Variants in SCFD2 observed in about 807,000 individuals in gnomAD.
The protein encoded by SCFD2 is sec1 family domain-containing protein 2.
A neutral mutation model predicts 58.9 loss-of-function variants in SCFD2; 54 were observed. That is an observed-to-expected ratio of 0.92 (90% CI 0.74 to 1.15). The LOEUF is 1.15. Among genes scored for constraint, SCFD2 ranks in the 50% most tolerant of loss-of-function variants. The pLI is 0.00. For missense variants in SCFD2, 805 were observed against 836.6 expected, an observed-to-expected ratio of 0.96 and a Z score of 0.47; for synonymous variants, 321 against 335.9, an observed-to-expected ratio of 0.96 and a Z score of 0.49.
At chr4:53,298,849 C>A (rs1426824408) in intron 3 of SCFD2, among the ~76,000 whole-genome samples, 2 of 152,148 alleles carry the variant, frequency 1.3e-5, no homozygotes, top group African/African-American at 2.4e-5. Flanking sequence ...TGGAGTGGAC[C>A]TCCAGTAAAC....
chr4:53,287,310 C>A (rs1301954624), intron 3 of SCFD2, among the ~76,000 whole-genome samples: 1 of 152,166 alleles, frequency 6.6e-6, no homozygotes, highest in African/African-American at 2.4e-5. Context: ...TGCCTGTGGA[C>A]CATGTCAGAC....
intron 5 of SCFD2, among the ~76,000 whole-genome samples, chr4:53,037,922 A>T (rs549211478): frequency 1.3e-5 from 2 of 152,312 alleles, no homozygotes; most frequent in African/African-American, 2.4e-5. Flanking sequence ...ATAATGTCAC[A>T]GTTCAACCAA....
At chr4:52,897,586 A>G (rs553442908) in intron 7 of SCFD2, among the ~76,000 whole-genome samples, 43 of 152,280 alleles carry the variant, frequency 2.8e-4, no homozygotes, top group Middle Eastern at 3.4e-3. Flanking sequence ...TTTTTGCATC[A>G]ATGTTCATCA....
intron 4 of SCFD2, among the ~76,000 whole-genome samples, chr4:53,198,356 A>G (rs1268591785): frequency 2.0e-5 from 3 of 152,044 alleles, no homozygotes; most frequent in Non-Finnish European, 4.4e-5. Context: ...GGGCTGTTAT[A>G]AATTCAAACA....
intron 2 of SCFD2, among the ~76,000 whole-genome samples, chr4:53,349,255 T>TA (rs1442980858): frequency 6.6e-6 from 1 of 152,132 alleles, no homozygotes; most frequent in Admixed American, 6.5e-5. Flanking sequence ...TAATGAGGTG[T>TA]AAAAAATGTG....
intron 5 of SCFD2, among the ~76,000 whole-genome samples, chr4:53,072,046 C>T (rs964450109): frequency 2.0e-5 from 3 of 152,094 alleles, no homozygotes; most frequent in African/African-American, 4.8e-5. Flanking sequence ...GTATACCCCA[C>T]GTGCTTCCAT....
At chr4:53,227,226 A>T (rs1243130673) in intron 4 of SCFD2, among the ~76,000 whole-genome samples, 1 of 152,172 alleles carries the variant, frequency 6.6e-6, no homozygotes, top group Non-Finnish European at 1.5e-5. Flanking sequence ...AATTTCAGCC[A>T]TAGAAAGGTG....
At chr4:53,102,489 T>C (rs550723598) in intron 5 of SCFD2, among the ~76,000 whole-genome samples, 90 of 151,956 alleles carry the variant, frequency 5.9e-4, no homozygotes, top group African/African-American at 2.1e-3. Context: ...GCAAATAATA[T>C]AAAGAACTAA....
intron 5 of SCFD2, among the ~76,000 whole-genome samples, chr4:53,053,238 A>C (rs1034820907): frequency 6.6e-6 from 1 of 151,476 alleles, no homozygotes; most frequent in Admixed American, 6.6e-5. Context: ...AAAAAAAAAA[A>C]CTGGCAAAAC....
chr4:53,183,000 C>T (rs1329736417), intron 4 of SCFD2, among the ~76,000 whole-genome samples: 1 of 152,126 alleles, frequency 6.6e-6, no homozygotes, highest in African/African-American at 2.4e-5. Flanking sequence ...AGTCAGGAAA[C>T]AACAGGTGCT....
chr4:53,219,960 G>A (rs1247347456), intron 4 of SCFD2, among the ~76,000 whole-genome samples: 2 of 152,050 alleles, frequency 1.3e-5, no homozygotes, highest in African/African-American at 2.4e-5. Flanking sequence ...CACAGCAGTG[G>A]CCTCCAATCT....
chr4:53,138,400 G>A (rs1726006680), intron 5 of SCFD2, among the ~76,000 whole-genome samples: 1 of 152,126 alleles, frequency 6.6e-6, no homozygotes, highest in African/African-American at 2.4e-5. Flanking sequence ...TAAAAATAGT[G>A]TTTTGATTTC....
chr4:53,300,247 G>C (rs1353829174), intron 3 of SCFD2, among the ~76,000 whole-genome samples: 3 of 152,126 alleles, frequency 2.0e-5, no homozygotes, highest in East Asian at 3.8e-4. Context: ...TAAAGGGATG[G>C]AGGAAGATCT....
At chr4:53,189,450 C>T (rs541957729) in intron 4 of SCFD2, among the ~76,000 whole-genome samples, 2 of 152,274 alleles carry the variant, frequency 1.3e-5, no homozygotes, top group East Asian at 1.9e-4. Context: ...GTTACTATAA[C>T]AAAATATCAT....
At chr4:53,199,510 T>C (rs1027823786) in intron 4 of SCFD2, among the ~76,000 whole-genome samples, 1 of 152,148 alleles carries the variant, frequency 6.6e-6, no homozygotes, top group Non-Finnish European at 1.5e-5. Flanking sequence ...CTAGCTCTTT[T>C]TGATTCATAA....
chr4:53,231,037 G>A (rs903141070), intron 4 of SCFD2, among the ~76,000 whole-genome samples: 3 of 152,086 alleles, frequency 2.0e-5, no homozygotes, highest in African/African-American at 4.8e-5. Flanking sequence ...GTGCCAGAGT[G>A]AGATGGATGC....
intron 5 of SCFD2, among the ~76,000 whole-genome samples, chr4:53,076,385 A>G (rs1723974959): frequency 6.6e-6 from 1 of 152,174 alleles, no homozygotes; most frequent in African/African-American, 2.4e-5. Flanking sequence ...ATGGCAGGCA[A>G]GAGCGGACCC....
chr4:53,025,531 A>C (rs1402647325), intron 5 of SCFD2, among the ~76,000 whole-genome samples: 2 of 62,748 alleles, frequency 3.2e-5, no homozygotes, highest in Admixed American at 4.3e-4. Flanking sequence ...CAGTTTATCA[A>C]AGCACAATTT....
At chr4:53,152,651 C>T (rs1268156508) in intron 4 of SCFD2, among the ~76,000 whole-genome samples, 4 of 152,186 alleles carry the variant, frequency 2.6e-5, no homozygotes, top group African/African-American at 9.7e-5. Context: ...GTCATCCCCT[C>T]CCAATAGTCC....
Sources: allele counts gnomAD v4.1 joint callset (sites outside exome capture counted in the v4.1 genomes callset), GRCh38; gene constraint gnomAD v4.1.1; transcripts MANE v1.5; gene names NCBI Gene and HGNC (gene_info 2026-07-23, HGNC 2026-07-21).